ACBD6: variants seen among roughly 807,000 people sequenced by gnomAD.
ACBD6 encodes the protein acyl-CoA binding domain containing 6.
Under a neutral mutation model 37.2 loss-of-function variants are expected in ACBD6, and 28 were observed. The observed-to-expected ratio is 0.75, with a 90% CI of 0.56 to 1.03. The LOEUF (loss-of-function observed/expected upper bound fraction) is 1.03, where lower values mean the gene tolerates loss of function less well. ACBD6 is among the 50% of genes least tolerant of loss of function. The probability of loss-of-function intolerance (pLI) is 0.00; values close to 1 mark genes in which losing one functional copy is unlikely to be tolerated. For synonymous variants in ACBD6, 113 were observed against 126.8 expected, an observed-to-expected ratio of 0.89 and a Z score of 0.73; for missense variants, 340 against 337.4, an observed-to-expected ratio of 1.01 and a Z score of -0.06.
intron 5 of ACBD6, among the ~76,000 whole-genome samples, chr1:180,412,865 C>A (rs1290622918): frequency 6.6e-6 from 1 of 151,898 alleles, no homozygotes; most frequent in East Asian, 1.9e-4. Context: ...GACCCTGTTT[C>A]TCCCTCCAAA....
intron 7 of ACBD6, among the ~76,000 whole-genome samples, chr1:180,310,313 T>C (rs1650536695): frequency 6.6e-6 from 1 of 152,140 alleles, no homozygotes; most frequent in African/African-American, 2.4e-5. Context: ...TGAGCCATGA[T>C]TGCGCCACTA....
chr1:180,404,611 C>A lies in ACBD6; in HGVS notation c.574-7006G>T, dbSNP rs531797676. ...CAGCTGGGACTACAGGCATGTGCCA[C>A]CATGCTCAGCTAATTTTTGTATTTT... On this transcript the variant is annotated intron_variant, in intron 5 of 7. Coordinates refer to ENST00000367595, the MANE Select transcript of ACBD6 (RefSeq NM_032360.4). Among the ~76,000 whole-genome samples, 18 of 152,162 alleles carry A rather than the reference C, an allele frequency of 1.2e-4. No homozygotes were observed. The South Asian group carries it at 1.7e-3, about 14-fold the overall frequency.
chr1:180,288,897 C>T lies in ACBD6; in HGVS notation c.695-380G>A, dbSNP rs375746962. Among the ~76,000 whole-genome samples, 70 of 151,972 alleles carry T rather than the reference C, an allele frequency of 4.6e-4. No homozygotes were observed. In the South Asian group the frequency reaches 0.011, roughly 23 times the overall value. On this transcript the variant is annotated intron_variant, in intron 7 of 7. Transcript: ENST00000367595. ...TACATGTGCAGGATATGTCAAAAGG[C>T]TAAAAATACTGTAAATGTCAAATAA...
chr1:180,325,085 T>C (rs1347236997), intron 6 of ACBD6, among the ~76,000 whole-genome samples: 1 of 152,146 alleles, frequency 6.6e-6, no homozygotes, highest in Non-Finnish European at 1.5e-5. Context: ...GTAGTCTTCT[T>C]TAGGTTAAAA....
chr1:180,463,439 A>G (rs969642696), intron 3 of ACBD6, among the ~76,000 whole-genome samples: 1 of 152,212 alleles, frequency 6.6e-6, no homozygotes, highest in African/African-American at 2.4e-5. Flanking sequence ...CTATGCATAT[A>G]AACTAAAAAC....
chr1:180,395,629 A>G (rs187829880), intron 6 of ACBD6, among the ~76,000 whole-genome samples: 201 of 152,314 alleles, frequency 1.3e-3, no homozygotes, highest in African/African-American at 4.7e-3. Flanking sequence ...TAGGATGTCT[A>G]TTGTCAAAAG....
chr1:180,459,116 T>G (rs1650028177), intron 3 of ACBD6, among the ~76,000 whole-genome samples: 1 of 152,202 alleles, frequency 6.6e-6, no homozygotes, highest in South Asian at 2.1e-4. Flanking sequence ...CGTAAGATGC[T>G]GAAAATGATA....
intron 3 of ACBD6, among the ~76,000 whole-genome samples, chr1:180,445,528 C>T (rs1265062686): frequency 6.6e-6 from 1 of 152,128 alleles, no homozygotes; most frequent in Non-Finnish European, 1.5e-5. Context: ...TTATAAGAAG[C>T]ACCATTATTT....
Position 180,502,139 on chromosome 1 carries a change from G to C in ACBD6, c.128C>G (p.Ala43Gly). Residue 43 changes from alanine (A) to glycine (G), a missense_variant, in exon 1 of 8, where the codon GCC (alanine) becomes GGC (glycine). Physicochemically the swap from Ala to Gly is moderately conservative, Grantham distance 60. Coordinates refer to ENST00000367595, the MANE Select transcript of ACBD6 (RefSeq NM_032360.4). Reference protein sequence around the residue: ...SPEIEETSCLAELFEKAAAHL... With the variant: ...SPEIEETSCLGELFEKAAAHL... Reference sequence around the variant, plus strand: ...CGCGGCAGCCTTCTCAAACAGCTCGGCCAGGCAACTGGTCTCCTCGATCTC... The same window carrying C: ...CGCGGCAGCCTTCTCAAACAGCTCGCCCAGGCAACTGGTCTCCTCGATCTC... The C allele has an allele frequency of 6.2e-7, 1 of 1,614,054 alleles. No individual in the cohort carries two copies. The highest frequency in any genetic ancestry group is 8.5e-7 in the Non-Finnish European group (1 of 1,179,972).
intron 3 of ACBD6, among the ~76,000 whole-genome samples, chr1:180,446,236 C>G (rs1184490426): frequency 1.3e-5 from 2 of 150,718 alleles, no homozygotes; most frequent in Non-Finnish European, 1.5e-5. Flanking sequence ...TGGTCTTTAA[C>G]TCCTGGGCTC....
At chr1:180,459,175 G>A (rs1438467640) in intron 3 of ACBD6, among the ~76,000 whole-genome samples, 4 of 152,070 alleles carry the variant, frequency 2.6e-5, no homozygotes, top group Non-Finnish European at 2.9e-5. Flanking sequence ...AAATATTCCC[G>A]TTATTCAAAA....
At chr1:180,298,733 T>G (rs1012726477) in intron 7 of ACBD6, among the ~76,000 whole-genome samples, 1 of 152,206 alleles carries the variant, frequency 6.6e-6, no homozygotes, top group Non-Finnish European at 1.5e-5. Flanking sequence ...GGCAAAACAG[T>G]AATTCAGAGC....
chr1:180,338,404 C>T (rs1025769262), intron 6 of ACBD6, among the ~76,000 whole-genome samples: 10 of 152,074 alleles, frequency 6.6e-5, no homozygotes, highest in African/African-American at 2.4e-4. Context: ...CTTTGACAAA[C>T]CTGACAAAAA....
At chr1:180,290,422 C>T (rs1212098119) in intron 7 of ACBD6, among the ~76,000 whole-genome samples, 4 of 152,188 alleles carry the variant, frequency 2.6e-5, no homozygotes, top group Non-Finnish European at 5.9e-5. Context: ...GGCAATCCTC[C>T]CGCCTTGGCC....
At chr1:180,374,178 T>C (rs997379863) in intron 6 of ACBD6, among the ~76,000 whole-genome samples, 1 of 152,184 alleles carries the variant, frequency 6.6e-6, no homozygotes, top group African/African-American at 2.4e-5. Flanking sequence ...CTGGCATGCA[T>C]GAAAGTGATT....
At chr1:180,483,725 T>C (rs953366977) in intron 3 of ACBD6, among the ~76,000 whole-genome samples, 1 of 152,216 alleles carries the variant, frequency 6.6e-6, no homozygotes, top group Non-Finnish European at 1.5e-5. Context: ...ATCAGTGATA[T>C]CTGGAGAGAG....
intron 6 of ACBD6, among the ~76,000 whole-genome samples, chr1:180,347,023 AAAAACAAAAC>A (rs143045679): frequency 1.3e-5 from 2 of 150,454 alleles, no homozygotes; most frequent in Admixed American, 6.6e-5. Flanking sequence ...CTCAATTACA[AAAAACAAAAC>A]AAAACAAAAC....
chr1:180,419,543 A>T (rs764819663), intron 4 of ACBD6, among the ~76,000 whole-genome samples: 1 of 152,206 alleles, frequency 6.6e-6, no homozygotes, highest in Non-Finnish European at 1.5e-5. Context: ...CTTAAACAAC[A>T]CGGAGGGTGG....
rs143828291 is a variant in ACBD6, at chr1:180,461,530, C to A, written c.384+30739G>T. On this transcript the variant is annotated intron_variant, in intron 3 of 7. Transcript: ENST00000367595. The stretch of plus-strand genomic sequence containing the variant: ...CAGCCAGAGAGAAAGGCCAGGTAGT[C>A]TACAAAGGGAAGCCCATCACACTAG... Among the ~76,000 whole-genome samples, 1,073 of 152,222 alleles carry A rather than the reference C, an allele frequency of 7.0e-3. 8 individuals are homozygous for A. Among genetic ancestry groups the A allele is most frequent in the African/African-American group, 0.024 (1,002 of 41,520 alleles).
Sources: allele counts gnomAD v4.1 joint callset (sites outside exome capture counted in the v4.1 genomes callset), GRCh38; gene constraint gnomAD v4.1.1; transcripts MANE v1.5; gene names NCBI Gene and HGNC (gene_info 2026-07-23, HGNC 2026-07-21).